PIWIL2: variants seen among roughly 807,000 people sequenced by gnomAD.
PIWIL2 encodes piwi like RNA-mediated gene silencing 2, also known as piwi-like protein 2.
In PIWIL2, 81 loss-of-function variants were observed where a neutral mutation model predicts 116.5. The observed-to-expected ratio is 0.70, with a 90% CI of 0.58 to 0.84. The LOEUF is 0.84. Ranked by LOEUF, PIWIL2 falls within the 40% of genes least tolerant of loss-of-function variation. PIWIL2 has a pLI of 0.00. For missense variants in PIWIL2, 1,272 were observed against 1,212.3 expected, an observed-to-expected ratio of 1.05 and a Z score of -0.73; for synonymous variants, 489 against 429.5, an observed-to-expected ratio of 1.14 and a Z score of -1.71.
chr8:22,320,175 C>T (rs966735142), intron 20 of PIWIL2, among the ~76,000 whole-genome samples: 1 of 150,976 alleles, frequency 6.6e-6, no homozygotes, highest in Non-Finnish European at 1.5e-5. Context: ...CTTGGCCAGG[C>T]TGGTCTTGAA....
chr8:22,299,046 A>G (rs1462259159), intron 10 of PIWIL2, among the ~76,000 whole-genome samples: 6 of 152,166 alleles, frequency 3.9e-5, no homozygotes, highest in African/African-American at 1.4e-4. Flanking sequence ...AGAGTAATCC[A>G]TCTTTTCCAG....
chr8:22,349,677 G>A (rs541184027), intron 20 of PIWIL2, among the ~76,000 whole-genome samples: 8 of 152,166 alleles, frequency 5.3e-5, no homozygotes, highest in South Asian at 4.1e-4. Context: ...TTAACACAGC[G>A]AGTTAGTTAG....
chr8:22,355,371 A>T lies in PIWIL2; in HGVS notation c.2788A>T (p.Met930Leu). 1 of 1,614,160 alleles carries T rather than the reference A, an allele frequency of 6.2e-7. No individual in the cohort carries two copies. Among genetic ancestry groups the T allele is most frequent in the African/African-American group, 1.3e-5 (1 of 75,056 alleles). The change falls in exon 23 of 23, where the codon ATG becomes TTG. Residue 930 changes from methionine to leucine, a missense_variant. Coordinates refer to ENST00000356766, the MANE Select transcript of PIWIL2 (RefSeq NM_018068.5). The part of the protein sequence containing the change: ...MQRLTFKLCH[M>L]YWNWPGTIRV... ...CAGGCTGACTTTCAAACTGTGCCAC[A>T]TGTACTGGAATTGGCCTGGCACCAT...
intron 20 of PIWIL2, among the ~76,000 whole-genome samples, chr8:22,340,683 C>G (rs1385337152): frequency 2.0e-5 from 3 of 152,134 alleles, no homozygotes; most frequent in African/African-American, 7.2e-5. Flanking sequence ...CCACCAGAAG[C>G]TTGAACAGAC....
intron 13 of PIWIL2, 103 bp downstream of exon 13, chr8:22,306,119 C>T: frequency 1.3e-6 from 1 of 775,978 alleles, no homozygotes; most frequent in Non-Finnish European, 2.3e-6. Flanking sequence ...CTGATGTTGG[C>T]TTGCATTGTA....
intron 10 of PIWIL2, among the ~76,000 whole-genome samples, chr8:22,290,904 C>T (rs1278035374): frequency 6.6e-6 from 1 of 151,660 alleles, no homozygotes; most frequent in Non-Finnish European, 1.5e-5. Context: ...TTGATATATG[C>T]GCATGCTGAG....
At chr8:22,284,317 T>A (rs1283930083) in intron 6 of PIWIL2, 45 bp downstream of exon 6, 2 of 971,168 alleles carry the variant, frequency 2.1e-6, no homozygotes, top group Non-Finnish European at 3.2e-6. Flanking sequence ...TAAAGGGCAG[T>A]AAAAAAAATA....
chr8:22,339,110 G>T (rs1422437601), intron 20 of PIWIL2, among the ~76,000 whole-genome samples: 1 of 152,168 alleles, frequency 6.6e-6, no homozygotes, highest in Non-Finnish European at 1.5e-5. Context: ...ATGGTACTGG[G>T]ACTACTGGAT....
intron 8 of PIWIL2, 70 bp from the exon 9 acceptor site, chr8:22,289,777 T>C: frequency 1.1e-6 from 1 of 918,070 alleles, no homozygotes; most frequent in Non-Finnish European, 1.8e-6. Context: ...AAGGCAAATG[T>C]AGCTAAGAAT....
At chr8:22,298,269 AAAAG>A (rs1265164116) in intron 10 of PIWIL2, among the ~76,000 whole-genome samples, 3 of 152,040 alleles carry the variant, frequency 2.0e-5, no homozygotes, top group Non-Finnish European at 2.9e-5. Context: ...TTAAAAAAAA[AAAAG>A]GATAATGGCA....
chr8:22,280,195 C>T (rs1830469012), intron 2 of PIWIL2, among the ~76,000 whole-genome samples: 1 of 152,148 alleles, frequency 6.6e-6, no homozygotes, highest in Admixed American at 6.5e-5. Flanking sequence ...AAGGTACAAT[C>T]TCTTGTTGTT....
chr8:22,306,313 A>C (rs970717607), intron 13 of PIWIL2, among the ~76,000 whole-genome samples: 1 of 152,264 alleles, frequency 6.6e-6, no homozygotes, highest in Non-Finnish European at 1.5e-5. Context: ...CTCACCAGTC[A>C]GGTGGATAAT....
In PIWIL2 at chr8:22,283,120, C is replaced by T. The variant is rs927482368; in HGVS notation, c.512C>T (p.Pro171Leu). 3.7e-6 allele frequency: 6 copies of T among 1,614,018 alleles called. No homozygotes were observed. The African/African-American group carries it at 5.3e-5, about 14-fold the overall frequency. The change falls in exon 5 of 23, where the codon CCC becomes CTC. Residue 171 changes from proline to leucine, a missense_variant. Pro to Leu is a moderately conservative substitution (Grantham distance 98, BLOSUM62 -3). Transcript: ENST00000356766. Reference sequence around the variant, plus strand: ...ATCAGCAGAGAAGTGGACAAGCCTCCCTGTACCTTCAGCACACCGTCCCGG... The same window carrying T: ...ATCAGCAGAGAAGTGGACAAGCCTCTCTGTACCTTCAGCACACCGTCCCGG... ...GGISREVDKP[P>L]CTFSTPSRGP...
chr8:22,351,727 G>A (rs908992417), intron 20 of PIWIL2, among the ~76,000 whole-genome samples: 4 of 150,562 alleles, frequency 2.7e-5, no homozygotes, highest in Non-Finnish European at 4.4e-5. Context: ...TAGTAGAGAC[G>A]AGGGTTTCAC....
chr8:22,352,870 C>T (rs763703112), intron 20 of PIWIL2, 89 bp from the exon 21 acceptor site: 2 of 1,316,630 alleles, frequency 1.5e-6, no homozygotes, highest in African/African-American at 1.5e-5. Context: ...GCCATGATTC[C>T]AGGCTACACA....
chr8:22,351,358 A>G (rs1427297714), intron 20 of PIWIL2, among the ~76,000 whole-genome samples: 2 of 143,506 alleles, frequency 1.4e-5, no homozygotes, highest in Non-Finnish European at 3.0e-5. Context: ...TTTTAAAGGG[A>G]TTCTAAGTGC....
At chr8:22,326,299 T>A (rs1003914063) in intron 20 of PIWIL2, among the ~76,000 whole-genome samples, 1 of 152,124 alleles carries the variant, frequency 6.6e-6, no homozygotes, top group South Asian at 2.1e-4. Flanking sequence ...GGCAGGTGGA[T>A]TGCTTGAGCT....
intron 10 of PIWIL2, among the ~76,000 whole-genome samples, chr8:22,301,924 ATG>A (rs987871562): frequency 6.6e-6 from 1 of 152,108 alleles, no homozygotes; most frequent in Non-Finnish European, 1.5e-5. Context: ...TTGATCATAA[ATG>A]TGTAGGTTCT....
intron 6 of PIWIL2, among the ~76,000 whole-genome samples, chr8:22,286,209 T>G (rs1413192583): frequency 6.6e-6 from 1 of 152,114 alleles, no homozygotes; most frequent in Non-Finnish European, 1.5e-5. Context: ...CTTCTAGCAG[T>G]TTTGTTACAG....
Sources: gnomAD v4.1 joint callset for allele counts (sites outside exome capture counted in the v4.1 genomes callset) on GRCh38, gnomAD v4.1.1 for gene constraint, MANE v1.5 for transcripts, NCBI Gene and HGNC (gene_info 2026-07-23, HGNC 2026-07-21) for gene names.